VAV3: variants seen among roughly 807,000 people sequenced by gnomAD.
The protein encoded by VAV3 is vav guanine nucleotide exchange factor 3, also known as guanine nucleotide exchange factor VAV3.
A neutral mutation model predicts 131.2 loss-of-function variants in VAV3; 94 were observed. The ratio of observed to expected loss-of-function variants is 0.72; its 90% CI spans 0.61 to 0.85. The LOEUF is 0.85. Ranked by LOEUF, VAV3 falls within the 40% of genes least tolerant of loss-of-function variation. The pLI, the probability that VAV3 is intolerant of heterozygous loss-of-function variation, is 0.00. For missense variants in VAV3, 939 were observed against 1,002.7 expected (o/e 0.94, Z 0.86); for synonymous variants, 349 against 342.0 (o/e 1.02, Z -0.22).
chr1:107,906,569 G>T (rs533058350), intron 1 of VAV3, among the ~76,000 whole-genome samples: 1 of 152,134 alleles, frequency 6.6e-6, no homozygotes, highest in African/African-American at 2.4e-5. Context: ...GGGAGGCTGA[G>T]GCGGGAGAAT....
intron 2 of VAV3, among the ~76,000 whole-genome samples, chr1:107,804,264 T>C (rs1427880470): frequency 6.6e-6 from 1 of 152,170 alleles, no homozygotes; most frequent in East Asian, 1.9e-4. Flanking sequence ...GGGTAAGGAC[T>C]TACTGGTGTC....
chr1:107,767,716 T>C (rs1033117976), intron 7 of VAV3, among the ~76,000 whole-genome samples: 13 of 152,086 alleles, frequency 8.5e-5, no homozygotes, highest in African/African-American at 2.9e-4. Context: ...CATGCGTGCA[T>C]GGGGGTGGGG....
At chr1:107,929,018 A>T (rs1673291312) in intron 1 of VAV3, among the ~76,000 whole-genome samples, 1 of 152,180 alleles carries the variant, frequency 6.6e-6, no homozygotes, top group South Asian at 2.1e-4. Context: ...GAAAAAAGAA[A>T]CAAATAACAC....
chr1:107,826,987 AT>A (rs1668045650), intron 2 of VAV3, among the ~76,000 whole-genome samples: 1 of 152,182 alleles, frequency 6.6e-6, no homozygotes, highest in African/African-American at 2.4e-5. Context: ...TATAAATCTT[AT>A]AAAAATATTT....
intron 20 of VAV3, among the ~76,000 whole-genome samples, chr1:107,637,077 C>G (rs1297711198): frequency 2.0e-5 from 3 of 151,954 alleles, no homozygotes; most frequent in Non-Finnish European, 2.9e-5. Context: ...AAATGCATAC[C>G]TATCTAGTCG....
chr1:107,799,311 CAA>C (rs74262708), intron 2 of VAV3, among the ~76,000 whole-genome samples: 2 of 97,792 alleles, frequency 2.0e-5, no homozygotes, highest in Non-Finnish European at 4.4e-5. Context: ...GTTCACCTAT[CAA>C]AAAAAAAAAA....
At chr1:107,794,472 TTTTGA>T (rs1178568583) in intron 2 of VAV3, among the ~76,000 whole-genome samples, 26 of 152,340 alleles carry the variant, frequency 1.7e-4, no homozygotes, top group African/African-American at 5.5e-4. Flanking sequence ...ATTCTCTTGA[TTTTGA>T]TTTAAGAAGA....
intron 1 of VAV3, among the ~76,000 whole-genome samples, chr1:107,947,830 C>T (rs1674342260): frequency 6.6e-6 from 1 of 152,184 alleles, no homozygotes; most frequent in South Asian, 2.1e-4. Flanking sequence ...TAAATAATCA[C>T]TCAATGACCA....
intron 21 of VAV3, among the ~76,000 whole-genome samples, chr1:107,614,787 C>T (rs1165524031): frequency 1.3e-5 from 2 of 152,032 alleles, no homozygotes; most frequent in African/African-American, 2.4e-5. Context: ...CTACTTTGTG[C>T]GAGACTATCC....
At chr1:107,721,370 C>A (rs1167506103) in intron 15 of VAV3, among the ~76,000 whole-genome samples, 1 of 152,016 alleles carries the variant, frequency 6.6e-6, no homozygotes, top group Non-Finnish European at 1.5e-5. Context: ...AATAACATGG[C>A]CAATAACCTT....
At chr1:107,751,839 C>T (rs1411400863) in intron 12 of VAV3, among the ~76,000 whole-genome samples, 4 of 151,918 alleles carry the variant, frequency 2.6e-5, no homozygotes, top group African/African-American at 9.7e-5. Flanking sequence ...ACTGTACACG[C>T]TAGAGGAAAA....
chr1:107,740,699 C>A lies in VAV3; in HGVS notation c.1502+8269G>T, dbSNP rs577556146. 6.6e-5 allele frequency among the ~76,000 whole-genome samples: 10 copies of A among 152,326 alleles called. No homozygotes were observed. In the East Asian group the frequency reaches 1.5e-3, roughly 23 times the overall value. ...GTGGTAACATATATTAACTAATTCT[C>A]TAGGCCTAAGTCATCTTATTTGTGC... On this transcript the variant is annotated intron_variant, in intron 15 of 26. Coordinates refer to ENST00000370056, the MANE Select transcript of VAV3 (RefSeq NM_006113.5).
chr1:107,573,345 C>T lies in VAV3; in HGVS notation c.2530G>A (p.Glu844Lys). 1 of 1,614,062 alleles carries T rather than the reference C, an allele frequency of 6.2e-7. No individual in the cohort carries two copies. The highest frequency in any genetic ancestry group is 1.3e-5 in the African/African-American group (1 of 75,026). Residue 844 changes from glutamate to lysine, a missense_variant, in exon 27 of 27, where the codon GAA becomes AAA. By Grantham distance (56) the Glu-to-Lys change is moderately conservative (BLOSUM62 1). Transcript: ENST00000370056. The stretch of plus-strand genomic sequence containing the variant: ...GGGATTTGAATTTATTCATCCTCTT[C>T]CACATATGTGGATGGAAACCAGCCC... ...RVGWFPSTYV[E>K]EDE
intron 17 of VAV3, among the ~76,000 whole-genome samples, chr1:107,692,962 A>T (rs1248493229): frequency 2.6e-5 from 4 of 152,146 alleles, no homozygotes. Context: ...AGAAGTGGAG[A>T]CCAAAGGGGC....
chr1:107,877,836 A>G (rs1450981854), intron 1 of VAV3, among the ~76,000 whole-genome samples: 1 of 152,108 alleles, frequency 6.6e-6, no homozygotes, highest in Admixed American at 6.6e-5. Context: ...CCAAAATTTG[A>G]CTAAATTAGT....
chr1:107,682,591 C>T (rs1363131405), intron 19 of VAV3, among the ~76,000 whole-genome samples: 4 of 151,930 alleles, frequency 2.6e-5, no homozygotes, highest in Admixed American at 6.6e-5. Context: ...GGCAACAAAG[C>T]TCCTATAAAT....
At chr1:107,606,221 G>A (rs1652258014) in intron 22 of VAV3, among the ~76,000 whole-genome samples, 1 of 152,146 alleles carries the variant, frequency 6.6e-6, no homozygotes, top group South Asian at 2.1e-4. Context: ...AATATTCATA[G>A]TTTGGTTATT....
intron 15 of VAV3, among the ~76,000 whole-genome samples, chr1:107,734,592 A>G (rs982725351): frequency 2.0e-5 from 3 of 152,344 alleles, no homozygotes; most frequent in Admixed American, 2.0e-4. Context: ...TTAAACCAAC[A>G]AAGATCAAAG....
chr1:107,826,589 C>G (rs1056288313), intron 2 of VAV3, among the ~76,000 whole-genome samples: 14 of 152,128 alleles, frequency 9.2e-5, no homozygotes, highest in African/African-American at 2.7e-4. Flanking sequence ...TACTGCAGTT[C>G]ACTGGCAGAC....
Sources: allele counts gnomAD v4.1 joint callset (sites outside exome capture counted in the v4.1 genomes callset), GRCh38; gene constraint gnomAD v4.1.1; transcripts MANE v1.5; gene names NCBI Gene and HGNC (gene_info 2026-07-23, HGNC 2026-07-21).